CDKL3: variants seen among roughly 807,000 people sequenced by gnomAD.
CDKL3 encodes the protein cyclin-dependent kinase-like 3.
Under a neutral mutation model 69.3 loss-of-function variants are expected in CDKL3, and 65 were observed. The ratio of observed to expected loss-of-function variants is 0.94; its 90% CI spans 0.77 to 1.15. The LOEUF is 1.15. CDKL3 is among the 50% of genes most tolerant of loss of function. The pLI, the probability that CDKL3 is intolerant of heterozygous loss-of-function variation, is 0.00. For missense variants in CDKL3, 652 were observed against 689.2 expected (o/e 0.95, Z 0.61); for synonymous variants, 202 against 221.6 (o/e 0.91, Z 0.79).
intron 6 of CDKL3, among the ~76,000 whole-genome samples, chr5:134,312,797 ACT>A (rs1769931914): frequency 1.3e-5 from 2 of 152,194 alleles, no homozygotes; most frequent in East Asian, 3.9e-4. Context: ...CTAATCCAGC[ACT>A]CTTTCTATAT....
intron 4 of CDKL3, among the ~76,000 whole-genome samples, chr5:134,335,500 T>C (rs559370700): frequency 9.8e-5 from 15 of 152,322 alleles, no homozygotes; most frequent in African/African-American, 3.6e-4. Flanking sequence ...CTTCAGGAGC[T>C]CTTGTAAGTC....
chr5:134,313,015 C>T (rs934000115), intron 6 of CDKL3, among the ~76,000 whole-genome samples: 10 of 152,136 alleles, frequency 6.6e-5, no homozygotes, highest in African/African-American at 2.4e-4. Context: ...AATCAAAATA[C>T]TGAAAACAGG....
rs2149679970 is a variant in CDKL3 at position 134,367,152 on chromosome 5, C to T, written c.-197G>A. On this transcript the variant is annotated 5_prime_UTR_variant, in exon 1 of 13. Transcript: ENST00000265334. ...CGGCCACTTGCCACCATGGAAACGC[C>T]GGCGGAGTTGCTGCGTTCTAGACTC... 1.0e-6 allele frequency: 1 copy of T among 985,650 alleles called. No individual in the cohort carries two copies. Among genetic ancestry groups the T allele is most frequent in the Non-Finnish European group, 1.2e-6 (1 of 830,150 alleles). 61.1% of individuals were successfully genotyped at this position (985,650 alleles called of 1,614,324 possible).
chr5:134,329,782 G>T (rs1348994695), intron 4 of CDKL3, among the ~76,000 whole-genome samples: 2 of 151,828 alleles, frequency 1.3e-5, no homozygotes, highest in Non-Finnish European at 2.9e-5. Context: ...ATTTTAAAAA[G>T]CAATTATACA....
chr5:134,288,502 T>C (rs1764978340), intron 8 of CDKL3, among the ~76,000 whole-genome samples: 2 of 152,220 alleles, frequency 1.3e-5, no homozygotes, highest in African/African-American at 4.8e-5. Context: ...GCCAACTTTA[T>C]GTCTAAATAA....
At chr5:134,371,250 G>A, upstream of CDKL3, 1 of 373,672 alleles carries the variant, frequency 2.7e-6, no homozygotes, top group Non-Finnish European at 4.9e-6. Flanking sequence ...TTTCTGTTTC[G>A]TGGTCTTTGA....
In CDKL3 at chr5:134,367,074, C is replaced by A; in HGVS notation, c.-119G>T. The A allele has an allele frequency of 1.0e-6, 1 of 986,666 alleles. No homozygotes were observed. The allele number at this position is 986,666 out of a possible 1,614,324, so 61.1% of individuals were successfully genotyped here. A position where few individuals can be genotyped will look rare whatever the true frequency, so the allele number is the denominator to read the frequency against. On this transcript the variant is annotated 5_prime_UTR_variant, in exon 1 of 13. The change creates a premature stop within an existing upstream ORF in the 5' untranslated region. Coordinates refer to ENST00000265334, the MANE Select transcript of CDKL3 (RefSeq NM_001113575.2). ...CCGCTGGTCTGGCTCTGCGTAGTTC[C>A]AGTGGAGCCACCGAACACTGATACT...
At chr5:134,347,850 G>C (rs1369693021) in intron 4 of CDKL3, among the ~76,000 whole-genome samples, 1 of 152,138 alleles carries the variant, frequency 6.6e-6, no homozygotes, top group Non-Finnish European at 1.5e-5. Context: ...GCAGATAGGA[G>C]TTTATCTAGG....
chr5:134,325,367 C>T (rs776899327), intron 4 of CDKL3, among the ~76,000 whole-genome samples: 1 of 152,062 alleles, frequency 6.6e-6, no homozygotes, highest in Non-Finnish European at 1.5e-5. Context: ...TACATTATAA[C>T]CATAGATGAT....
intron 4 of CDKL3, among the ~76,000 whole-genome samples, chr5:134,324,940 G>A (rs1441442179): frequency 2.6e-5 from 4 of 152,158 alleles, no homozygotes; most frequent in African/African-American, 9.7e-5. Context: ...GGGTGGAGGG[G>A]ACATAAGGAA....
intron 6 of CDKL3, among the ~76,000 whole-genome samples, chr5:134,318,200 C>T (rs577255312): frequency 2.0e-5 from 3 of 149,110 alleles, no homozygotes; most frequent in Non-Finnish European, 4.5e-5. Flanking sequence ...CCCTGGGCAA[C>T]AAGAGCAAAA....
chr5:134,292,984 T>TG (rs1470824918), intron 8 of CDKL3, among the ~76,000 whole-genome samples: 1 of 148,146 alleles, frequency 6.8e-6, no homozygotes, highest in African/African-American at 2.5e-5. Context: ...CAGGCCCTGT[T>TG]GGCCTCACTG....
downstream of CDKL3, among the ~76,000 whole-genome samples, chr5:134,285,281 G>A (rs1354401314): frequency 6.6e-6 from 1 of 152,178 alleles, no homozygotes; most frequent in Non-Finnish European, 1.5e-5. Context: ...TTCTCCATGA[G>A]GGCCCCACCC....
intron 6 of CDKL3, among the ~76,000 whole-genome samples, 163 bp from the exon 7 acceptor site, chr5:134,312,543 C>T (rs1769846646): frequency 6.6e-6 from 1 of 152,228 alleles, no homozygotes; most frequent in African/African-American, 2.4e-5. Context: ...TAAGTTCTGG[C>T]TGTTTATTTC....
intron 4 of CDKL3, among the ~76,000 whole-genome samples, chr5:134,331,191 G>T (rs564659802): frequency 3.3e-5 from 5 of 152,184 alleles, no homozygotes; most frequent in Admixed American, 1.3e-4. Context: ...TAGGGCAATC[G>T]TCCCCTTCAA....
In CDKL3 at chr5:134,299,579, C is replaced by T. The variant is rs115299124; in HGVS notation, c.1720-869G>A. 1,835 of 1,326,224 alleles carry T rather than the reference C, an allele frequency of 1.4e-3. 2 individuals carry two copies. The highest frequency in any genetic ancestry group is 1.4e-3 in the Non-Finnish European group (1,447 of 1,008,752). 82.2% of individuals were successfully genotyped at this position (1,326,224 alleles called of 1,614,324 possible). A position where few individuals can be genotyped will look rare whatever the true frequency, so the allele number is the denominator to read the frequency against. On this transcript the variant is annotated intron_variant, in intron 12 of 12. Coordinates refer to ENST00000265334, the MANE Select transcript of CDKL3 (RefSeq NM_001113575.2). ...ATGTACATATAACTAACAGGATTTA[C>T]GATATACCTGTAAAATTATCTAGTT...
chr5:134,312,035 A>G (rs1769676693), intron 7 of CDKL3, among the ~76,000 whole-genome samples: 2 of 152,084 alleles, frequency 1.3e-5, no homozygotes, highest in South Asian at 2.1e-4. Flanking sequence ...GGCTCAAGCA[A>G]TCTGCCTGCC....
At chr5:134,343,509 T>C (rs1028563042) in intron 4 of CDKL3, among the ~76,000 whole-genome samples, 8 of 152,198 alleles carry the variant, frequency 5.3e-5, no homozygotes, top group African/African-American at 1.9e-4. Context: ...GGGGACCAGA[T>C]TGCCTTTGTA....
intron 12 of CDKL3, chr5:134,302,179 C>T (rs1766516157): frequency 4.4e-6 from 2 of 456,272 alleles, no homozygotes; most frequent in Admixed American, 2.3e-5. Context: ...GAAAATAGGA[C>T]AGCAGGCAGA....
Sources: allele counts gnomAD v4.1 joint callset (sites outside exome capture counted in the v4.1 genomes callset), GRCh38; gene constraint gnomAD v4.1.1; transcripts MANE v1.5; gene names NCBI Gene and HGNC (gene_info 2026-07-23, HGNC 2026-07-21).